ASIC2: variants seen among roughly 807,000 people sequenced by gnomAD.
ASIC2 encodes acid-sensing ion channel 2.
ASIC2 carries 25 observed loss-of-function variants against 57.3 expected under a neutral mutation model. The ratio of observed to expected loss-of-function variants is 0.44; its 90% CI spans 0.32 to 0.61. The LOEUF (loss-of-function observed/expected upper bound fraction) is 0.61. Ranked by LOEUF, ASIC2 falls within the 20% of genes least tolerant of loss-of-function variation. ASIC2 has a pLI of 0.06. For synonymous variants in ASIC2, 319 were observed against 307.5 expected (o/e 1.04, Z -0.39); for missense variants, 641 against 738.1 (o/e 0.87, Z 1.52).
At chr17:34,149,202 T>C (rs181064822) in intron 1 of ASIC2, among the ~76,000 whole-genome samples, 37 of 151,204 alleles carry the variant, frequency 2.4e-4, no homozygotes, top group Non-Finnish European at 5.0e-4. Context: ...AACCTTCCAG[T>C]TTTAAGCTAA....
intron 1 of ASIC2, among the ~76,000 whole-genome samples, chr17:33,991,434 C>T (rs905014326): frequency 6.6e-6 from 1 of 152,132 alleles, no homozygotes; most frequent in African/African-American, 2.4e-5. Flanking sequence ...ATCCAGATTC[C>T]CCCAATCTAT....
chr17:33,182,895 G>C (rs1208978762), intron 1 of ASIC2, among the ~76,000 whole-genome samples: 1 of 152,136 alleles, frequency 6.6e-6, no homozygotes, highest in African/African-American at 2.4e-5. Context: ...TGTGACAGTT[G>C]CCTGTTGATT....
intron 1 of ASIC2, among the ~76,000 whole-genome samples, chr17:34,113,640 G>A (rs1030498228): frequency 7.9e-5 from 12 of 151,892 alleles, no homozygotes; most frequent in African/African-American, 2.9e-4. Flanking sequence ...CACTTTAGGC[G>A]GCCAAGGCAG....
chr17:33,423,144 C>T (rs1440160039), intron 1 of ASIC2, among the ~76,000 whole-genome samples: 1 of 152,212 alleles, frequency 6.6e-6, no homozygotes, highest in African/African-American at 2.4e-5. Context: ...CATGGCCATA[C>T]ATTAGACTCA....
chr17:33,437,124 C>T (rs1258887432), intron 1 of ASIC2, among the ~76,000 whole-genome samples: 1 of 151,850 alleles, frequency 6.6e-6, no homozygotes, highest in Non-Finnish European at 1.5e-5. Flanking sequence ...CTCGGCCTCC[C>T]AAAGTGCTGG....
intron 1 of ASIC2, among the ~76,000 whole-genome samples, chr17:33,784,188 C>G (rs1911539639): frequency 6.6e-6 from 1 of 152,218 alleles, no homozygotes; most frequent in Non-Finnish European, 1.5e-5. Flanking sequence ...GGCCAGGTAT[C>G]TCATCATACC....
chr17:33,524,790 C>T (rs1021636873), intron 1 of ASIC2, among the ~76,000 whole-genome samples: 16 of 152,130 alleles, frequency 1.1e-4, no homozygotes, highest in Non-Finnish European at 1.8e-4. Context: ...CCAGACTGGC[C>T]TTGAACTCTT....
intron 1 of ASIC2, among the ~76,000 whole-genome samples, chr17:33,516,838 T>C (rs1335814531): frequency 6.6e-6 from 1 of 152,224 alleles, no homozygotes; most frequent in African/African-American, 2.4e-5. Flanking sequence ...TGTGCTCTTA[T>C]TACACTGGGT....
intron 1 of ASIC2, among the ~76,000 whole-genome samples, chr17:33,427,726 A>G (rs1444657233): frequency 1.3e-5 from 2 of 151,980 alleles, no homozygotes; most frequent in Non-Finnish European, 2.9e-5. Context: ...GCTGTACACT[A>G]GAGATACCTG....
At chr17:34,036,042 A>C (rs1227434119) in intron 1 of ASIC2, among the ~76,000 whole-genome samples, 4 of 152,160 alleles carry the variant, frequency 2.6e-5, no homozygotes, top group African/African-American at 9.7e-5. Flanking sequence ...AAAGGATTAT[A>C]AATCATGCTG....
At chr17:33,270,009 T>C (rs1355612080) in intron 1 of ASIC2, among the ~76,000 whole-genome samples, 1 of 152,200 alleles carries the variant, frequency 6.6e-6, no homozygotes, top group African/African-American at 2.4e-5. Flanking sequence ...TTCTCTTCAG[T>C]TGAATGAGGG....
intron 1 of ASIC2, among the ~76,000 whole-genome samples, chr17:34,033,733 C>T (rs1041453740): frequency 6.6e-6 from 1 of 152,178 alleles, no homozygotes; most frequent in African/African-American, 2.4e-5. Context: ...ATACTACAAA[C>T]ACCTCTACAC....
intron 1 of ASIC2, among the ~76,000 whole-genome samples, chr17:33,732,527 C>T (rs566063806): frequency 3.2e-4 from 45 of 142,446 alleles, no homozygotes; most frequent in African/African-American, 1.1e-3. Context: ...TTTTTTAAGA[C>T]GTAATCTTGC....
intron 1 of ASIC2, among the ~76,000 whole-genome samples, chr17:33,145,522 C>G (rs544689912): frequency 1.3e-5 from 2 of 152,334 alleles, no homozygotes; most frequent in East Asian, 1.9e-4. Flanking sequence ...TCCAGGTTAC[C>G]TCACTGCTCT....
chr17:33,598,254 G>T (rs996231340), intron 1 of ASIC2, among the ~76,000 whole-genome samples: 1 of 152,234 alleles, frequency 6.6e-6, no homozygotes, highest in Non-Finnish European at 1.5e-5. Context: ...GGTTGAATAT[G>T]TGGCTGCCTT....
rs79591968 is a variant in ASIC2 at position 33,945,043 on chromosome 17, T to A, written c.555+210935A>T. 2.8e-3 allele frequency among the ~76,000 whole-genome samples: 425 copies of A among 152,284 alleles called. 11 individuals carry two copies. The South Asian group carries it at 0.054, about 19-fold the overall frequency. On this transcript the variant is annotated intron_variant, in intron 1 of 9. Transcript: ENST00000359872. The stretch of plus-strand genomic sequence containing the variant: ...GGGCTGAGCAGATGCCTAATTTAAG[T>A]ATGATCTCATGTGATTGCTGCTGCC...
At chr17:33,670,972 G>T (rs969752048) in intron 1 of ASIC2, among the ~76,000 whole-genome samples, 1 of 152,150 alleles carries the variant, frequency 6.6e-6, no homozygotes, top group Non-Finnish European at 1.5e-5. Flanking sequence ...CAGATTTCCT[G>T]TTCCTTCATC....
chr17:33,425,292 A>G (rs1372681449), intron 1 of ASIC2, among the ~76,000 whole-genome samples: 1 of 152,254 alleles, frequency 6.6e-6, no homozygotes, highest in Non-Finnish European at 1.5e-5. Flanking sequence ...CAGAGAAGAA[A>G]GAAAGGAAAC....
At chr17:34,121,421 C>G (rs558768348) in intron 1 of ASIC2, among the ~76,000 whole-genome samples, 1 of 152,142 alleles carries the variant, frequency 6.6e-6, no homozygotes, top group Admixed American at 6.5e-5. Context: ...ACCCCTCCCT[C>G]GTCTCTCCCA....
Sources: allele counts gnomAD v4.1 joint callset (sites outside exome capture counted in the v4.1 genomes callset), GRCh38; gene constraint gnomAD v4.1.1; transcripts MANE v1.5; gene names NCBI Gene and HGNC (gene_info 2026-07-23, HGNC 2026-07-21).